KCNB2: variants seen among roughly 807,000 people sequenced by gnomAD.
KCNB2 encodes the protein potassium voltage-gated channel subfamily B member 2.
KCNB2 carries 15 observed loss-of-function variants against 61.5 expected under a neutral mutation model. The observed-to-expected ratio is 0.24, with a 90% CI of 0.16 to 0.38. KCNB2 has a LOEUF of 0.38. Among genes scored for constraint, KCNB2 ranks in the 10% least tolerant of loss-of-function variants. The probability of loss-of-function intolerance (pLI) is 1.00; values close to 1 mark genes in which losing one functional copy is unlikely to be tolerated. For synonymous variants in KCNB2, 457 were observed against 446.0 expected (o/e 1.02, Z -0.31); for missense variants, 828 against 1,125.2 (o/e 0.74, Z 3.78).
intron 1 of KCNB2, among the ~76,000 whole-genome samples, chr8:72,557,214 C>T (rs893654724): frequency 5.3e-5 from 8 of 152,170 alleles, no homozygotes; most frequent in African/African-American, 9.7e-5. Context: ...TCTCACCTTT[C>T]CCCTCACATG....
intron 2 of KCNB2, among the ~76,000 whole-genome samples, chr8:72,659,560 A>G (rs561227753): frequency 6.6e-6 from 1 of 152,364 alleles, no homozygotes; most frequent in Admixed American, 6.5e-5. Context: ...ATTGCATGCT[A>G]CAGAGATGCA....
At chr8:72,738,977 T>G (rs943273593) in intron 2 of KCNB2, among the ~76,000 whole-genome samples, 12 of 152,188 alleles carry the variant, frequency 7.9e-5, no homozygotes, top group Non-Finnish European at 1.5e-4. Context: ...ATATTCCAAC[T>G]ATACCATTTA....
At chr8:72,703,926 G>A (rs1417264744) in intron 2 of KCNB2, among the ~76,000 whole-genome samples, 1 of 152,190 alleles carries the variant, frequency 6.6e-6, no homozygotes, top group Admixed American at 6.5e-5. Context: ...ACTGTTAGTA[G>A]TATGTTGCCT....
At chr8:72,907,007 T>C (rs1806189880) in intron 2 of KCNB2, among the ~76,000 whole-genome samples, 1 of 152,178 alleles carries the variant, frequency 6.6e-6, no homozygotes, top group Non-Finnish European at 1.5e-5. Context: ...CTTTTATTTA[T>C]GAAGAATTAA....
chr8:72,770,357 C>G (rs1808538561), intron 2 of KCNB2, among the ~76,000 whole-genome samples: 2 of 152,174 alleles, frequency 1.3e-5, no homozygotes, highest in South Asian at 4.1e-4. Context: ...TGTGTGTGTG[C>G]TTAATTGAGA....
intron 2 of KCNB2, among the ~76,000 whole-genome samples, chr8:72,914,885 A>G (rs1443832815): frequency 6.6e-6 from 1 of 151,968 alleles, no homozygotes; most frequent in African/African-American, 2.4e-5. Context: ...AGCAGGAAAG[A>G]TAAGATAAAT....
At chr8:72,894,349 G>C (rs1212702757) in intron 2 of KCNB2, among the ~76,000 whole-genome samples, 1 of 152,166 alleles carries the variant, frequency 6.6e-6, no homozygotes, top group African/African-American at 2.4e-5. Context: ...GGAGGCACAA[G>C]GCCATGTGGG....
intron 2 of KCNB2, among the ~76,000 whole-genome samples, chr8:72,901,636 A>G (rs1302152538): frequency 6.6e-6 from 1 of 152,144 alleles, no homozygotes; most frequent in Non-Finnish European, 1.5e-5. Context: ...CATTTGGGTC[A>G]TTTACAATCT....
chr8:72,774,950 G>C (rs1256024227), intron 2 of KCNB2, among the ~76,000 whole-genome samples: 1 of 152,156 alleles, frequency 6.6e-6, no homozygotes, highest in Non-Finnish European at 1.5e-5. Context: ...AGAGAAAGGA[G>C]AGCAGCCCAT....
intron 2 of KCNB2, among the ~76,000 whole-genome samples, chr8:72,851,826 GAAAAAAAAAAAA>G (rs55696554): frequency 1.4e-4 from 6 of 43,868 alleles, no homozygotes; most frequent in Non-Finnish European, 2.0e-4. Flanking sequence ...GAAGCTGTAG[GAAAAAAAAAAAA>G]AAAAAAAAAA....
At chr8:72,704,632 T>C (rs1807189168) in intron 2 of KCNB2, among the ~76,000 whole-genome samples, 1 of 152,020 alleles carries the variant, frequency 6.6e-6, no homozygotes, top group South Asian at 2.1e-4. Flanking sequence ...GGGACTCTCC[T>C]ACCTAGCACC....
intron 2 of KCNB2, among the ~76,000 whole-genome samples, chr8:72,914,092 G>C (rs1054851622): frequency 1.3e-5 from 2 of 152,184 alleles, no homozygotes; most frequent in African/African-American, 4.8e-5. Context: ...AGCAGATTTA[G>C]TGTCTGGTGA....
At chr8:72,740,255 T>G (rs1807927018) in intron 2 of KCNB2, among the ~76,000 whole-genome samples, 1 of 152,186 alleles carries the variant, frequency 6.6e-6, no homozygotes, top group Admixed American at 6.5e-5. Context: ...ATATTGACAC[T>G]GACCCAGAAG....
chr8:72,651,020 C>G (rs927721649), intron 2 of KCNB2, among the ~76,000 whole-genome samples: 1 of 152,072 alleles, frequency 6.6e-6, no homozygotes, highest in Non-Finnish European at 1.5e-5. Flanking sequence ...ATTTTCCAAA[C>G]CCTAGAATTA....
chr8:72,612,436 G>A (rs1805556021), intron 2 of KCNB2, among the ~76,000 whole-genome samples: 2 of 152,204 alleles, frequency 1.3e-5, no homozygotes, highest in Admixed American at 6.5e-5. Context: ...TGAATTTCTA[G>A]AGTCAGATAT....
intron 2 of KCNB2, among the ~76,000 whole-genome samples, chr8:72,674,894 T>C (rs957328197): frequency 7.9e-5 from 12 of 152,134 alleles, no homozygotes; most frequent in Non-Finnish European, 1.5e-5. Flanking sequence ...ACCAACTATA[T>C]AGTGATAAAA....
In KCNB2 at chr8:72,618,200, A is replaced by G. The variant is rs543653566; in HGVS notation, c.579+49887A>G. On this transcript the variant is annotated intron_variant, in intron 2 of 2. Coordinates refer to ENST00000523207, the MANE Select transcript of KCNB2 (RefSeq NM_004770.3). ...CATGTGTGTTAAAAAAAAAAATCCC[A>G]AAGAACTAGCATCCCAAATGATTCA... 9.9e-5 allele frequency among the ~76,000 whole-genome samples: 15 copies of G among 152,226 alleles called. No homozygotes were observed. In the South Asian group the frequency reaches 2.5e-3, roughly 25 times the overall value.
intron 2 of KCNB2, among the ~76,000 whole-genome samples, chr8:72,627,662 C>G (rs1038697785): frequency 1.3e-5 from 2 of 152,178 alleles, no homozygotes; most frequent in Admixed American, 6.5e-5. Context: ...GCTCACACCT[C>G]AAACATCTGC....
At chr8:72,670,135 C>G (rs16938292) in intron 2 of KCNB2, among the ~76,000 whole-genome samples, 1 of 152,098 alleles carries the variant, frequency 6.6e-6, no homozygotes, top group Non-Finnish European at 1.5e-5. Context: ...TTCCTTGTGT[C>G]GATAATCTGG....
Sources: allele counts gnomAD v4.1 joint callset (sites outside exome capture counted in the v4.1 genomes callset), GRCh38; gene constraint gnomAD v4.1.1; transcripts MANE v1.5; gene names NCBI Gene and HGNC (gene_info 2026-07-23, HGNC 2026-07-21).